The following CRHR2 variants were observed in gnomAD, a reference collection of about 807,000 sequenced individuals.
CRHR2 encodes corticotropin releasing hormone receptor 2, also known as corticotropin-releasing hormone receptor 2.
A neutral mutation model predicts 57.9 loss-of-function variants in CRHR2; 53 were observed. That is an observed-to-expected ratio of 0.92 (90% CI 0.73 to 1.15). CRHR2 has a LOEUF of 1.15. CRHR2 is among the 50% of genes most tolerant of loss of function. CRHR2 has a pLI of 0.00. For missense variants in CRHR2, 532 were observed against 542.6 expected, an observed-to-expected ratio of 0.98 and a Z score of 0.19; for synonymous variants, 213 against 220.9, an observed-to-expected ratio of 0.96 and a Z score of 0.32.
At chr7:30,684,008 C>G (rs1372566814), upstream of CRHR2, among the ~76,000 whole-genome samples, 1 of 152,206 alleles carries the variant, frequency 6.6e-6, no homozygotes, top group Admixed American at 6.5e-5. Flanking sequence ...ACACTAAGAC[C>G]AGGGCTGAGC....
intron 3 of CRHR2, 108 bp downstream of exon 3, chr7:30,667,120 G>T: frequency 1.1e-6 from 1 of 933,008 alleles, no homozygotes; most frequent in South Asian, 1.5e-5. Context: ...AGAAGGGAGT[G>T]ACTGGGTGAC....
In CRHR2 at chr7:30,688,015, C is replaced by G. The variant is rs540826573; in HGVS notation, c.-167+1176G>C. Among the ~76,000 whole-genome samples, 69 of 152,302 alleles carry G rather than the reference C, an allele frequency of 4.5e-4. 1 individual carries two copies. The highest frequency in any genetic ancestry group is 1.6e-3 in the African/African-American group (67 of 41,564). On this transcript the variant is annotated intron_variant, in intron 2 of 13. Transcript: ENST00000341843. ...TGGTGTCACAGGCTGAACTGTGTTG[C>G]TCCAAAATTTGTATGTTGAAGTCCT... is the stretch of plus-strand genomic sequence containing the variant.
intron 3 of CRHR2, among the ~76,000 whole-genome samples, chr7:30,666,904 G>T (rs898749497): frequency 3.3e-5 from 5 of 152,230 alleles, no homozygotes; most frequent in African/African-American, 1.2e-4. Flanking sequence ...GGCCCAGAGG[G>T]AGAGGAAGGT....
chr7:30,664,102 A>T (rs1257965173), intron 5 of CRHR2, among the ~76,000 whole-genome samples: 1 of 152,232 alleles, frequency 6.6e-6, no homozygotes, highest in Non-Finnish European at 1.5e-5. Flanking sequence ...CGTTGGAGCT[A>T]GAAGGCACCC....
chr7:30,682,508 C>T (rs1000688379), upstream of CRHR2: 53 of 1,268,888 alleles, frequency 4.2e-5, no homozygotes, highest in African/African-American at 6.7e-4. Flanking sequence ...CGGGTACAGC[C>T]GCTCCGCCGC....
At position 30,655,907 on chromosome 7, in the gene CRHR2, C is replaced by G. The variant is rs2128139416; in HGVS notation, c.917+20G>C. On this transcript the variant is annotated intron_variant, in intron 9 of 11. Coordinates refer to ENST00000471646, the MANE Select transcript of CRHR2 (RefSeq NM_001883.5). The stretch of plus-strand genomic sequence containing the variant: ...CCTCCTCCTGTCCCCATTGTGGGGT[C>G]AAGGGACCCCCTCACATACCTGTAC... The G allele has an allele frequency of 6.2e-7, 1 of 1,613,112 alleles. No homozygotes were observed. Among genetic ancestry groups the G allele is most frequent in the Non-Finnish European group, 8.5e-7 (1 of 1,179,298 alleles).
chr7:30,687,906 C>G (rs747670956), intron 2 of CRHR2, among the ~76,000 whole-genome samples: 1 of 152,200 alleles, frequency 6.6e-6, no homozygotes, highest in Non-Finnish European at 1.5e-5. Context: ...TAGGTGTCCC[C>G]GTGGGCTCTC....
Position 30,653,293 on chromosome 7 carries a change from G to T in CRHR2, c.*167C>A. On this transcript the variant is annotated 3_prime_UTR_variant, in exon 12 of 12. Coordinates refer to ENST00000471646, the MANE Select transcript of CRHR2 (RefSeq NM_001883.5). This position sits in a 1 kb window ranked among gnomAD's most constrained non-coding sequence, Gnocchi z 5.0. ...AGCCTGGTGGCCCCCACTCATCCCT[G>T]TCCCTTGCAGTCCCCCTTGGCTGCC... 1 of 966,526 alleles carries T rather than the reference G, an allele frequency of 1.0e-6. No homozygotes were observed. The highest frequency in any genetic ancestry group is 1.5e-6 in the Non-Finnish European group (1 of 654,590). 59.9% of individuals were successfully genotyped at this position (966,526 alleles called of 1,614,324 possible).
intron 2 of CRHR2, among the ~76,000 whole-genome samples, chr7:30,669,859 C>G (rs2190242): frequency 4.6e-5 from 7 of 152,000 alleles, no homozygotes; most frequent in Non-Finnish European, 1.0e-4. Flanking sequence ...CATTGGCACA[C>G]ATAGGTTTGG....
intron 2 of CRHR2, among the ~76,000 whole-genome samples, chr7:30,675,784 G>A (rs1029126906): frequency 1.3e-5 from 2 of 152,220 alleles, no homozygotes; most frequent in Admixed American, 6.5e-5. Context: ...ATATCAAAAA[G>A]TTCTCTTTGA....
intron 9 of CRHR2, 79 bp downstream of exon 9, chr7:30,655,848 G>A (rs1158104573): frequency 2.5e-6 from 4 of 1,586,348 alleles, no homozygotes; most frequent in African/African-American, 2.7e-5. Flanking sequence ...TGGGGCAGAG[G>A]GCTCTGCCAG....
intron 1 of CRHR2, chr7:30,699,891 G>A (rs1411619717): frequency 2.9e-6 from 4 of 1,403,030 alleles, no homozygotes; most frequent in Admixed American, 5.3e-5. Context: ...TGAGAGCTGG[G>A]AGCTCCGTGC....
Position 30,655,957 on chromosome 7 carries a change from G to T in CRHR2, c.887C>A (p.Ala296Glu). The T allele has an allele frequency of 6.2e-7, 1 of 1,614,066 alleles. No individual in the cohort carries two copies. The highest frequency in any genetic ancestry group is 1.3e-5 in the African/African-American group (1 of 75,022). ...IVRILMTKLR[A>E]STTSETIQYR... is the part of the protein sequence containing the mutation. ...CTGGATTGTCTCGGATGTGGTGGACGCGCGTAACTTTGTCATTAGGATCCT... is the reference window on the plus strand; with the variant it reads ...CTGGATTGTCTCGGATGTGGTGGACTCGCGTAACTTTGTCATTAGGATCCT... Residue 296 changes from alanine (A) to glutamate (E), a missense_variant, in exon 9 of 12, where the codon GCG (alanine) becomes GAG (glutamate). Coordinates refer to ENST00000471646, the MANE Select transcript of CRHR2 (RefSeq NM_001883.5).
intron 2 of CRHR2, among the ~76,000 whole-genome samples, chr7:30,675,110 C>T (rs1784476270): frequency 6.6e-6 from 1 of 152,210 alleles, no homozygotes; most frequent in Non-Finnish European, 1.5e-5. Flanking sequence ...TCCCACTCTC[C>T]CTTGCCCCAG....
At position 30,665,418 on chromosome 7, in the gene CRHR2, G is replaced by A. The variant is rs1217771216; in HGVS notation, c.425+112C>T. 14 of 994,314 alleles carry A rather than the reference G, an allele frequency of 1.4e-5. No homozygotes were observed. The highest frequency in any genetic ancestry group is 2.0e-5 in the Non-Finnish European group (13 of 661,892). 61.6% of individuals were successfully genotyped at this position (994,314 alleles called of 1,614,324 possible). A position where few individuals can be genotyped will look rare whatever the true frequency, so the allele number is the denominator to read the frequency against. On this transcript the variant is annotated intron_variant, in intron 4 of 11. Coordinates refer to ENST00000471646, the MANE Select transcript of CRHR2 (RefSeq NM_001883.5). This position sits in a 1 kb window ranked among gnomAD's most constrained non-coding sequence, Gnocchi z 4.5. ...CCCACCCAAACCCCACTTTCTCCAC[G>A]GGCCCTTTTATCTGCTGGGCCCCAG...
At chr7:30,659,478 G>A (rs1023925352) in intron 8 of CRHR2, among the ~76,000 whole-genome samples, 1 of 152,154 alleles carries the variant, frequency 6.6e-6, no homozygotes, top group African/African-American at 2.4e-5. Context: ...GATCTCATGG[G>A]GTTTCCATAC....
intron 1 of CRHR2, among the ~76,000 whole-genome samples, chr7:30,698,870 T>C (rs1027932493): frequency 6.6e-6 from 1 of 152,214 alleles, no homozygotes; most frequent in African/African-American, 2.4e-5. Context: ...GTGATCCTCA[T>C]TTTACTGATG....
At chr7:30,686,232 G>A (rs1298130168), upstream of CRHR2, among the ~76,000 whole-genome samples, 2 of 152,170 alleles carry the variant, frequency 1.3e-5, no homozygotes, top group African/African-American at 4.8e-5. Flanking sequence ...CTGGGTGCTG[G>A]CCTATGTCAC....
chr7:30,677,767 G>C (rs1264148359), intron 2 of CRHR2, among the ~76,000 whole-genome samples: 1 of 152,202 alleles, frequency 6.6e-6, no homozygotes, highest in Admixed American at 6.5e-5. Context: ...GATAACTGCA[G>C]GAAGCTTAAG....
Sources: gnomAD v4.1 joint callset for allele counts (sites outside exome capture counted in the v4.1 genomes callset) on GRCh38, gnomAD v4.1.1 for gene constraint, Gnocchi (gnomAD v3.1) non-coding constraint, MANE v1.5 for transcripts, NCBI Gene and HGNC (gene_info 2026-07-23, HGNC 2026-07-21) for gene names.